SMAD2: variants seen among roughly 807,000 people sequenced by gnomAD.
SMAD2 encodes SMAD family member 2.
In SMAD2, 8 loss-of-function variants were observed where a neutral mutation model predicts 64.4. The observed-to-expected ratio is 0.12, with a 90% CI of 0.07 to 0.22. SMAD2 has a LOEUF of 0.22. SMAD2 is among the 10% of genes least tolerant of loss of function. The pLI is 1.00. For missense variants in SMAD2, 289 were observed against 561.2 expected (o/e 0.51, Z 4.90); for synonymous variants, 203 against 195.8 (o/e 1.04, Z -0.31).
In SMAD2 at chr18:47,834,075, T is replaced by A. The variant is rs1822067016; in HGVS notation, c.*7752A>T. On this transcript the variant is annotated 3_prime_UTR_variant, in exon 11 of 11. Transcript: ENST00000262160. The stretch of plus-strand genomic sequence containing the variant: ...TCAGCTATTACCTGTGTTATAAATC[T>A]CATGTTCCATTCAAAGTACTAAATG... 4.6e-6 allele frequency: 1 copy of A among 216,356 alleles called. No homozygotes were observed. The highest frequency in any genetic ancestry group is 9.3e-6 in the Non-Finnish European group (1 of 107,576). The allele number at this position is 216,356 out of a possible 1,614,324, so 13.4% of individuals were successfully genotyped here. A position where few individuals can be genotyped will look rare whatever the true frequency, so the allele number is the denominator to read the frequency against.
In SMAD2 at chr18:47,869,293, T is replaced by A. The variant is rs750959440; in HGVS notation, c.470A>T (p.Lys157Met). 6.2e-7 allele frequency: 1 copy of A among 1,613,626 alleles called. No homozygotes were observed. Among genetic ancestry groups the A allele is most frequent in the Non-Finnish European group, 8.5e-7 (1 of 1,179,650 alleles). ...GTAAGGGTTTACACATACTTCATCC[T>A]TTTTAAGATTAAAAGCATATTCGCA... ...ENCEYAFNLK[K>M]DEVCVNPYHY... Residue 157 changes from lysine to methionine, a missense_variant, in exon 4 of 11, where the codon AAG (lysine) becomes ATG (methionine). Physicochemically the swap from Lys to Met is moderately conservative, Grantham distance 95 (BLOSUM62 -1). Transcript: ENST00000262160.
At chr18:47,926,529 T>C (rs962669399) in intron 1 of SMAD2, among the ~76,000 whole-genome samples, 2 of 151,926 alleles carry the variant, frequency 1.3e-5, no homozygotes, top group South Asian at 4.2e-4. Context: ...ACACCCCCTC[T>C]AAGCCTCCCA....
intron 1 of SMAD2, among the ~76,000 whole-genome samples, chr18:47,897,287 G>A (rs1389231410): frequency 1.3e-5 from 2 of 152,218 alleles, no homozygotes; most frequent in Non-Finnish European, 2.9e-5. Flanking sequence ...TGCGTAAAGT[G>A]TGAAGTAATC....
At chr18:47,880,729 T>C (rs1325743998) in intron 2 of SMAD2, among the ~76,000 whole-genome samples, 3 of 152,234 alleles carry the variant, frequency 2.0e-5, no homozygotes, top group Non-Finnish European at 4.4e-5. Context: ...TTTTATCTGA[T>C]GGTAGTTAGA....
Position 47,913,373 on chromosome 18 carries a change from A to G in SMAD2, c.-53-16564T>C, listed in dbSNP as rs569484779. On this transcript the variant is annotated intron_variant, in intron 1 of 10. Transcript: ENST00000262160. ...TATTCTGGGTCATCTGAATGGCCAC[A>G]TGACCTGGTATTGCCACATGATTTC... 3.9e-4 allele frequency among the ~76,000 whole-genome samples: 60 copies of G among 152,344 alleles called. No individual in the cohort carries two copies. The South Asian group carries it at 0.011, about 28-fold the overall frequency.
chr18:47,875,768 T>C (rs1034228606), intron 2 of SMAD2, among the ~76,000 whole-genome samples: 2 of 152,108 alleles, frequency 1.3e-5, no homozygotes, highest in East Asian at 1.9e-4. Flanking sequence ...TTAATGACAA[T>C]TGTCTTCATA....
In SMAD2 at chr18:47,839,343, C is replaced by G; in HGVS notation, c.*2484G>C. ...TTGTTTTCTGCCCCTACAACTGTTC[C>G]CTAACACCATTACAAGTTCTCAAGT... On this transcript the variant is annotated 3_prime_UTR_variant, in exon 11 of 11. Coordinates refer to ENST00000262160, the MANE Select transcript of SMAD2 (RefSeq NM_005901.6). 1 of 233,272 alleles carries G rather than the reference C, an allele frequency of 4.3e-6. No individual in the cohort carries two copies. 14.5% of individuals were successfully genotyped at this position (233,272 alleles called of 1,614,324 possible).
rs758385209 is a variant in SMAD2, at chr18:47,880,209, TTC to T, written c.237-9647_237-9646del. Among the ~76,000 whole-genome samples, 23 of 152,334 alleles carry T rather than the reference TTC, an allele frequency of 1.5e-4. No homozygotes were observed. In the East Asian group the frequency reaches 2.7e-3, roughly 18 times the overall value. Reference sequence around the variant, plus strand: ...ACTGCTTTCTATATACTTTGAACAATTCTCTGTTTACCCCCAAGTCATAAATA... The same window carrying T: ...ACTGCTTTCTATATACTTTGAACAATTCTGTTTACCCCCAAGTCATAAATA... On this transcript the variant is annotated intron_variant, in intron 2 of 10. Coordinates refer to ENST00000262160, the MANE Select transcript of SMAD2 (RefSeq NM_005901.6).
At chr18:47,866,558 T>TA (rs1281414261) in intron 5 of SMAD2, among the ~76,000 whole-genome samples, 1 of 152,098 alleles carries the variant, frequency 6.6e-6, no homozygotes, top group Non-Finnish European at 1.5e-5. Flanking sequence ...TTAAAGCTAA[T>TA]AAAGTTAAAC....
intron 6 of SMAD2, among the ~76,000 whole-genome samples, chr18:47,863,974 T>A (rs2031378138): frequency 6.6e-6 from 1 of 152,146 alleles, no homozygotes; most frequent in South Asian, 2.1e-4. Context: ...ATCTAGTAGG[T>A]GTGAGGTAGT....
intron 1 of SMAD2, chr18:47,922,677 A>G (rs1307074073): frequency 6.6e-6 from 1 of 152,254 alleles, no homozygotes. Context: ...AGAAAAAAAC[A>G]GCAGCATCAA....
intron 8 of SMAD2, among the ~76,000 whole-genome samples, chr18:47,846,574 T>A (rs1914510195): frequency 6.6e-6 from 1 of 152,162 alleles, no homozygotes; most frequent in Admixed American, 6.6e-5. Flanking sequence ...GGCTAAGTGA[T>A]TCAAAGCATG....
At chr18:47,909,581 C>T (rs538423093) in intron 1 of SMAD2, among the ~76,000 whole-genome samples, 1 of 152,308 alleles carries the variant, frequency 6.6e-6, no homozygotes, top group South Asian at 2.1e-4. Context: ...CAGGCTAACT[C>T]TACTGTTTTG....
At chr18:47,858,905 A>G (rs1202276662) in intron 6 of SMAD2, among the ~76,000 whole-genome samples, 3 of 152,170 alleles carry the variant, frequency 2.0e-5, no homozygotes, top group African/African-American at 7.2e-5. Flanking sequence ...GGTAGCCTAA[A>G]GCCAGTATCA....
intron 1 of SMAD2, among the ~76,000 whole-genome samples, chr18:47,908,632 G>A (rs944403247): frequency 6.6e-6 from 1 of 152,156 alleles, no homozygotes; most frequent in Non-Finnish European, 1.5e-5. Flanking sequence ...GTTGAGAAAT[G>A]TAAACATTCA....
rs571567704 is a variant in SMAD2, at chr18:47,918,707, G to A, written c.-54+11654C>T. 3.3e-5 allele frequency among the ~76,000 whole-genome samples: 5 copies of A among 150,356 alleles called. No homozygotes were observed. The South Asian group carries it at 8.5e-4, about 26-fold the overall frequency. On this transcript the variant is annotated intron_variant, in intron 1 of 10. Coordinates refer to ENST00000262160, the MANE Select transcript of SMAD2 (RefSeq NM_005901.6). The stretch of plus-strand genomic sequence containing the variant: ...AAAGAGCAGCATGCTCTCAAAGGCA[G>A]CATTCAGAGAACTTAACAGCTCTTG...
At chr18:47,869,914 G>T (rs1381959638) in intron 3 of SMAD2, among the ~76,000 whole-genome samples, 1 of 152,124 alleles carries the variant, frequency 6.6e-6, no homozygotes, top group Non-Finnish European at 1.5e-5. Flanking sequence ...ACCCAGTTGT[G>T]ACTGTTTTGA....
intron 1 of SMAD2, among the ~76,000 whole-genome samples, chr18:47,915,590 A>T (rs2034300483): frequency 6.6e-6 from 1 of 152,236 alleles, no homozygotes; most frequent in African/African-American, 2.4e-5. Flanking sequence ...TCCCACAGTG[A>T]AAAGTACATT....
chr18:47,845,067 G>A, intron 10 of SMAD2: 1 of 594,024 alleles, frequency 1.7e-6, no homozygotes, highest in Non-Finnish European at 3.0e-6. Context: ...TCCATAAACT[G>A]ACATAACCCT....
Sources: allele counts gnomAD v4.1 joint callset (sites outside exome capture counted in the v4.1 genomes callset), GRCh38; gene constraint gnomAD v4.1.1; transcripts MANE v1.5; gene names NCBI Gene and HGNC (gene_info 2026-07-23, HGNC 2026-07-21).